Variants in EHBP1 observed in about 807,000 individuals in gnomAD.
EHBP1 encodes the protein EH domain binding protein 1.
In EHBP1, 55 loss-of-function variants were observed where a neutral mutation model predicts 144.0. That is an observed-to-expected ratio of 0.38 (90% CI 0.31 to 0.48). The LOEUF (loss-of-function observed/expected upper bound fraction) is 0.48. Among genes scored for constraint, EHBP1 ranks in the 20% least tolerant of loss-of-function variants. The probability of loss-of-function intolerance (pLI) is 0.98; values close to 1 mark genes in which losing one functional copy is unlikely to be tolerated. For synonymous variants in EHBP1, 469 were observed against 472.7 expected (o/e 0.99, Z 0.10); for missense variants, 1,200 against 1,364.2 (o/e 0.88, Z 1.90).
At chr2:62,832,438 C>CTTTTTT (rs202005406) in intron 7 of EHBP1, among the ~76,000 whole-genome samples, 8 of 117,816 alleles carry the variant, frequency 6.8e-5, no homozygotes, top group East Asian at 2.4e-4. Flanking sequence ...TTTCTTTTTT[C>CTTTTTT]TTTTTTTTTT....
rs189226435 is a variant in EHBP1, at chr2:62,732,860, T to C, written c.105-14535T>C. ...CAATTCTTCTATTTCCACTTCAGTT[T>C]TGGAATTTTCTACTGACATTTTCTC... On this transcript the variant is annotated intron_variant, in intron 2 of 22. Coordinates refer to ENST00000431489, the MANE Select transcript of EHBP1 (RefSeq NM_001142616.3). Among the ~76,000 whole-genome samples, 4 of 152,346 alleles carry C rather than the reference T, an allele frequency of 2.6e-5. No homozygotes were observed. The East Asian group carries it at 5.8e-4, about 22-fold the overall frequency.
chr2:62,741,329 A>G (rs527445691), intron 2 of EHBP1, among the ~76,000 whole-genome samples: 3 of 152,226 alleles, frequency 2.0e-5, no homozygotes, highest in African/African-American at 7.2e-5. Context: ...CGTGATTAAC[A>G]CTGCGCTTTG....
intron 15 of EHBP1, among the ~76,000 whole-genome samples, chr2:62,988,798 C>G (rs1229292040): frequency 6.6e-6 from 1 of 152,070 alleles, no homozygotes; most frequent in Non-Finnish European, 1.5e-5. Context: ...TTTCTTTAGA[C>G]TCAAAGGAGG....
intron 3 of EHBP1, among the ~76,000 whole-genome samples, chr2:62,751,690 G>A (rs939616306): frequency 7.2e-5 from 11 of 152,064 alleles, no homozygotes; most frequent in Non-Finnish European, 1.0e-4. Flanking sequence ...CAGAGATTCA[G>A]CTTCTTCCTG....
chr2:62,997,315 T>C (rs1040248810), intron 19 of EHBP1, among the ~76,000 whole-genome samples: 6 of 152,072 alleles, frequency 3.9e-5, no homozygotes, highest in African/African-American at 1.4e-4. Flanking sequence ...TTTGTAAAGA[T>C]AGGTTAGAGC....
chr2:62,848,913 AT>A (rs2152749759), intron 7 of EHBP1, among the ~76,000 whole-genome samples: 1 of 152,276 alleles, frequency 6.6e-6, no homozygotes, highest in Non-Finnish European at 1.5e-5. Context: ...TGTAAGTAAA[AT>A]ACTGGAAAGT....
chr2:62,699,599 C>T (rs1257347895), intron 1 of EHBP1, among the ~76,000 whole-genome samples: 1 of 152,178 alleles, frequency 6.6e-6, no homozygotes, highest in Non-Finnish European at 1.5e-5. Context: ...CCAGCAAGGG[C>T]ACTCTAGAGT....
intron 2 of EHBP1, among the ~76,000 whole-genome samples, chr2:62,732,271 A>G (rs1178332246): frequency 2.0e-5 from 3 of 151,974 alleles, no homozygotes; most frequent in East Asian, 3.9e-4. Flanking sequence ...TTTGGTGTCT[A>G]TTAATTTTTG....
intron 3 of EHBP1, among the ~76,000 whole-genome samples, chr2:62,752,991 G>A (rs953677291): frequency 1.3e-5 from 2 of 152,202 alleles, no homozygotes; most frequent in African/African-American, 4.8e-5. Flanking sequence ...GAAGTATTTA[G>A]CCCATTTACA....
At chr2:62,788,539 T>G (rs1313423358) in intron 5 of EHBP1, among the ~76,000 whole-genome samples, 2 of 152,188 alleles carry the variant, frequency 1.3e-5, no homozygotes. Flanking sequence ...ACCCTGTTTC[T>G]GGAATCTAGA....
intron 1 of EHBP1, among the ~76,000 whole-genome samples, chr2:62,696,090 A>T (rs574550907): frequency 2.3e-4 from 35 of 152,262 alleles, no homozygotes; most frequent in Non-Finnish European, 4.6e-4. Flanking sequence ...TTACATTAAC[A>T]TAAAGCTGTT....
chr2:63,029,261 C>T (rs928903410), intron 19 of EHBP1, among the ~76,000 whole-genome samples: 9 of 152,124 alleles, frequency 5.9e-5, no homozygotes, highest in Admixed American at 5.9e-4. Flanking sequence ...GTTTTTCCAG[C>T]TGCAGAGATG....
intron 5 of EHBP1, among the ~76,000 whole-genome samples, chr2:62,804,189 G>T (rs1303806752): frequency 6.6e-6 from 1 of 152,152 alleles, no homozygotes; most frequent in Admixed American, 6.6e-5. Flanking sequence ...GATGCCTTTG[G>T]GGGAGAGACA....
Position 62,996,682 on chromosome 2 carries a change from T to C in EHBP1, c.3019T>C (p.Leu1007=). 4 of 1,613,402 alleles carry C rather than the reference T, an allele frequency of 2.5e-6. No homozygotes were observed. Among genetic ancestry groups the C allele is most frequent in the Non-Finnish European group, 3.4e-6 (4 of 1,179,622 alleles). Residue 1007 remains leucine, a synonymous_variant, in exon 19 of 23, where the codon TTG becomes CTG. Transcript: ENST00000431489. ...CACCAGTCAGTATGTAGTAGGAGAA[T>C]TGGCAGCACTAGAGAATGAGCAAAA... is the stretch of plus-strand genomic sequence containing the variant. ...KDTSQYVVGE[L]AALENEQKQI... is the part of the protein sequence containing the mutation.
chr2:62,785,195 C>T (rs1341564552), intron 5 of EHBP1, among the ~76,000 whole-genome samples: 2 of 151,934 alleles, frequency 1.3e-5, no homozygotes, highest in Admixed American at 6.6e-5. Flanking sequence ...GTTTGCAAAC[C>T]GCTTAATTGA....
rs71410971 is a variant in EHBP1, at chr2:62,889,047, C to CTTTTTTTTTTTTTTT, written c.1185+14535_1185+14549dup. ...TCATAAATTTTGGCAGTAGGTACCT[C>CTTTTTTTTTTTTTTT]TTTTTTTTTTTTTTTTTTTTTTTTT... is the stretch of plus-strand genomic sequence containing the variant. On this transcript the variant is annotated intron_variant, in intron 10 of 22. Coordinates refer to ENST00000431489, the MANE Select transcript of EHBP1 (RefSeq NM_001142616.3). Among the ~76,000 whole-genome samples, 3 of 39,678 alleles carry CTTTTTTTTTTTTTTT rather than the reference C, an allele frequency of 7.6e-5. 1 individual carries two copies. The highest frequency in any genetic ancestry group is 1.3e-4 in the Non-Finnish European group (3 of 23,100). 26.0% of individuals were successfully genotyped at this position (39,678 alleles called of 152,430 possible). A position where few individuals can be genotyped will look rare whatever the true frequency, so the allele number is the denominator to read the frequency against.
chr2:62,721,162 T>G (rs2036187826), intron 2 of EHBP1, among the ~76,000 whole-genome samples: 1 of 152,204 alleles, frequency 6.6e-6, no homozygotes, highest in Admixed American at 6.5e-5. Flanking sequence ...TTTGTTTTTG[T>G]TTTTCATGAC....
At chr2:62,756,051 A>G (rs1172090312) in intron 3 of EHBP1, among the ~76,000 whole-genome samples, 1 of 151,524 alleles carries the variant, frequency 6.6e-6, no homozygotes, top group African/African-American at 2.4e-5. Context: ...AGGCAGATGG[A>G]TTACTGGAGT....
chr2:62,907,415 T>C (rs2053889973), intron 10 of EHBP1, among the ~76,000 whole-genome samples: 1 of 152,230 alleles, frequency 6.6e-6, no homozygotes, highest in African/African-American at 2.4e-5. Flanking sequence ...CTTAATCATC[T>C]TAGGCTGCTA....
Sources: allele counts gnomAD v4.1 joint callset (sites outside exome capture counted in the v4.1 genomes callset), GRCh38; gene constraint gnomAD v4.1.1; transcripts MANE v1.5; gene names NCBI Gene and HGNC (gene_info 2026-07-23, HGNC 2026-07-21).